Variants in GBP3 observed in about 807,000 individuals in gnomAD.
The protein encoded by GBP3 is guanylate binding protein 3, also known as guanylate-binding protein 3.
In GBP3, 55 loss-of-function variants were observed where a neutral mutation model predicts 62.4. The observed-to-expected ratio is 0.88, with a 90% CI of 0.71 to 1.10. The LOEUF (loss-of-function observed/expected upper bound fraction) is 1.10, where lower values mean the gene tolerates loss of function less well. GBP3 is among the 50% of genes least tolerant of loss of function. The pLI is 0.00. For synonymous variants in GBP3, 208 were observed against 259.2 expected (o/e 0.80, Z 1.90); for missense variants, 605 against 690.6 (o/e 0.88, Z 1.39).
rs764034218 is a variant in GBP3, at chr1:89,007,748, A to G, written c.1764T>C (p.Tyr588=). The part of the protein sequence containing the change: ...QKTLKKKTKR[Y]MSHKLKI ...TTTAGATCTTTAGCTTATGCGACAT[A>G]TATCTCTTGGTTTTTTTTTTCAGGG... Residue 588 remains tyrosine, a synonymous_variant, in exon 11 of 11, where the codon TAT becomes TAC. Coordinates refer to ENST00000370481, the MANE Select transcript of GBP3 (RefSeq NM_018284.3). The G allele has an allele frequency of 2.5e-6, 4 of 1,612,720 alleles. No individual in the cohort carries two copies. Among genetic ancestry groups the G allele is most frequent in the South Asian group, 1.1e-5 (1 of 90,836 alleles).
At chr1:89,018,873 A>G (rs1391909523) in intron 2 of GBP3, among the ~76,000 whole-genome samples, 1 of 152,184 alleles carries the variant, frequency 6.6e-6, no homozygotes, top group Admixed American at 6.5e-5. Context: ...TCTTGTGTGT[A>G]TCTATTATTT....
chr1:89,019,202 T>G (rs908061476), intron 2 of GBP3, among the ~76,000 whole-genome samples: 16 of 152,216 alleles, frequency 1.1e-4, no homozygotes, highest in African/African-American at 3.9e-4. Context: ...AGCCAAAAGG[T>G]GTAAGCAACC....
chr1:89,012,094 G>T, intron 6 of GBP3, 67 bp from the exon 7 acceptor site: 1 of 1,328,780 alleles, frequency 7.5e-7, no homozygotes, highest in South Asian at 1.3e-5. Context: ...GTGTAATTCT[G>T]AACATGTCAA....
At chr1:89,020,379 T>G (rs775676639) in intron 2 of GBP3, 153 bp downstream of exon 2, 4 of 812,524 alleles carry the variant, frequency 4.9e-6, no homozygotes, top group Non-Finnish European at 8.2e-6. Context: ...AGCTGATGCT[T>G]ATCCCCTAGA....
rs1461149267 is a variant in GBP3 at position 89,011,561 on chromosome 1, G to A, written c.1149+186C>T. Among the ~76,000 whole-genome samples the A allele has an allele frequency of 3.6e-5, 5 of 139,488 alleles. 1 individual carries two copies. The highest frequency in any genetic ancestry group is 6.6e-5 in the Non-Finnish European group (4 of 60,468). 91.5% of individuals were successfully genotyped at this position (139,488 alleles called of 152,430 possible). A position where few individuals can be genotyped will look rare whatever the true frequency, so the allele number is the denominator to read the frequency against. Reference sequence around the variant, plus strand: ...GGAAGACCATTTATTGATAAGCAATGTTTTTAAACTTTGAGTCTGAAGTAA... The same window carrying A: ...GGAAGACCATTTATTGATAAGCAATATTTTTAAACTTTGAGTCTGAAGTAA... On this transcript the variant is annotated intron_variant, in intron 7 of 10. Transcript: ENST00000370481.
intron 9 of GBP3, 76 bp from the exon 10 acceptor site, chr1:89,009,216 T>C: frequency 1.3e-6 from 2 of 1,485,176 alleles, no homozygotes; most frequent in Non-Finnish European, 1.9e-6. Context: ...CCCTCCATTG[T>C]TGCTGCTGAC....
chr1:89,009,455 A>T lies in GBP3; in HGVS notation c.1402T>A (p.Ser468Thr). 1 of 1,613,984 alleles carries T rather than the reference A, an allele frequency of 6.2e-7. No homozygotes were observed. Among genetic ancestry groups the T allele is most frequent in the South Asian group, 1.1e-5 (1 of 91,072 alleles). Residue 468 changes from serine to threonine, a missense_variant, in exon 9 of 11, where the codon TCT becomes ACT. Ser to Thr is a moderately conservative substitution (Grantham distance 58, BLOSUM62 1). Coordinates refer to ENST00000370481, the MANE Select transcript of GBP3 (RefSeq NM_018284.3). ...ILQTYLKSKE[S>T]VTDAILQTDQ... Reference sequence around the variant, plus strand: ...GTCTGTAGAATTGCATCGGTCACAGACTCCTTGGATTTCAAGTATGTCTGC... The same window carrying T: ...GTCTGTAGAATTGCATCGGTCACAGTCTCCTTGGATTTCAAGTATGTCTGC...
At position 89,013,274 on chromosome 1, in the gene GBP3, A is replaced by C. The variant is rs746965247; in HGVS notation, c.779T>G (p.Phe260Cys). The C allele has an allele frequency of 1.9e-6, 3 of 1,614,178 alleles. No homozygotes were observed. The South Asian group carries it at 3.3e-5, about 18-fold the overall frequency. ...ACAGAAGTCTGCTACTTGTTGCACA[A>C]ATTCAGGGTCCAGCTCTTCATCTTG... ...KLQDEELDPE[F>C]VQQVADFCSY... The change falls in exon 6 of 11, where the codon TTT (phenylalanine) becomes TGT (cysteine). Residue 260 changes from phenylalanine to cysteine, a missense_variant. By Grantham distance (205) the Phe-to-Cys change is radical. Coordinates refer to ENST00000370481, the MANE Select transcript of GBP3 (RefSeq NM_018284.3).
At position 89,013,305 on chromosome 1, in the gene GBP3, T is replaced by C. The variant is rs765848735; in HGVS notation, c.748A>G (p.Lys250Glu). The C allele has an allele frequency of 3.7e-6, 6 of 1,614,116 alleles. No homozygotes were observed. In the African/African-American group the frequency reaches 8.0e-5, roughly 22 times the overall value. ...IHRRKLAQLE[K>E]LQDEELDPEF... ...GGGTCCAGCTCTTCATCTTGTAGTT[T>C]CTCAAGCTGGGCAAGCTTCCTGCGG... Residue 250 changes from lysine (K) to glutamate (E), a missense_variant, in exon 6 of 11, where the codon AAA becomes GAA. Transcript: ENST00000370481.
rs3188433 is a variant in GBP3, at chr1:89,011,856, G to T, written c.1040C>A (p.Thr347Asn). Residue 347 changes from threonine (T) to asparagine (N), a missense_variant, in exon 7 of 11, where the codon ACC (threonine) becomes AAC (asparagine). Physicochemically the swap from Thr to Asn is moderately conservative, Grantham distance 65. Around this residue, in one of 3 missense-constraint regions of GBP3, gnomAD observed 137 missense variants for 224.7 expected, o/e 0.61. Coordinates refer to ENST00000370481, the MANE Select transcript of GBP3 (RefSeq NM_018284.3). ...GTGCAGGTCCAGCAGCTCCTGGAGG[G>T]TTTCTGCGGGCAGCTGCACCTTCTG... ...MGQKVQLPAE[T>N]LQELLDLHRV... 2 of 1,462,040 alleles carry T rather than the reference G, an allele frequency of 1.4e-6. No homozygotes were observed. Among genetic ancestry groups the T allele is most frequent in the East Asian group, 2.3e-5 (1 of 43,224 alleles). 90.6% of individuals were successfully genotyped at this position (1,462,040 alleles called of 1,614,324 possible).
rs199996250 is a variant in GBP3, at chr1:89,013,344, C to G, written c.709G>C (p.Asp237His). The change falls in exon 6 of 11, where the codon GAT (aspartate) becomes CAT (histidine). Residue 237 changes from aspartate (D) to histidine (H), a missense_variant. By Grantham distance (81) the Asp-to-His change is moderately conservative (BLOSUM62 -1). Transcript: ENST00000370481. ...AGCTTCCTGCGGTGAATGGGCAGATCGAAGACAAAACATTTTTTCTTTGGG... is the reference window on the plus strand; with the variant it reads ...AGCTTCCTGCGGTGAATGGGCAGATGGAAGACAAAACATTTTTTCTTTGGG... Reference protein sequence around the residue: ...FFPKKKCFVFDLPIHRRKLAQ... With the variant: ...FFPKKKCFVFHLPIHRRKLAQ... The G allele has an allele frequency of 1.9e-6, 3 of 1,614,110 alleles. No homozygotes were observed. The highest frequency in any genetic ancestry group is 1.3e-5 in the African/African-American group (1 of 75,020).
rs111928995 is a variant in GBP3 at position 89,007,849 on chromosome 1, G to C, written c.1663C>G (p.Gln555Glu). The C allele has an allele frequency of 2.3e-3, 3,652 of 1,610,472 alleles. 65 individuals carry two copies. The African/African-American group carries it at 0.039, about 17-fold the overall frequency. The change falls in exon 11 of 11, where the codon CAG (glutamine) becomes GAG (glutamate). Residue 555 changes from glutamine to glutamate, a missense_variant. By Grantham distance (29) the Gln-to-Glu change is conservative. Transcript: ENST00000370481. Reference protein sequence around the residue: ...EKTLTSKLQEQARVLKERCQG... With the variant: ...EKTLTSKLQEEARVLKERCQG... Reference sequence around the variant, plus strand: ...CATCTCTCCTTTAGTACTCGGGCCTGTTCCTAAAAAGGGACAAATGGAGGC... The same window carrying C: ...CATCTCTCCTTTAGTACTCGGGCCTCTTCCTAAAAAGGGACAAATGGAGGC...
Position 89,010,837 on chromosome 1 carries a change from G to C in GBP3, c.1362+67C>G, listed in dbSNP as rs577140711. 7.5e-5 allele frequency: 109 copies of C among 1,455,756 alleles called. 30 individuals are homozygous for C. The highest frequency in any genetic ancestry group is 7.2e-4 in the Middle Eastern group (4 of 5,562). The allele number at this position is 1,455,756 out of a possible 1,614,324, so 90.2% of individuals were successfully genotyped here. On this transcript the variant is annotated intron_variant, in intron 8 of 10. Coordinates refer to ENST00000370481, the MANE Select transcript of GBP3 (RefSeq NM_018284.3). ...AGCACATCTGTGTGCAGTGAAGCTT[G>C]GTCACTTTGGTGTTCGTAGGAGGTA...
At chr1:89,008,666 A>G (rs1157824543) in intron 10 of GBP3, among the ~76,000 whole-genome samples, 1 of 151,982 alleles carries the variant, frequency 6.6e-6, no homozygotes, top group Admixed American at 6.6e-5. Context: ...GTATTAAGCA[A>G]GAGATATAGA....
At chr1:89,013,752 T>C (rs752633396) in intron 5 of GBP3, 83 of 402,538 alleles carry the variant, frequency 2.1e-4, no homozygotes, top group Non-Finnish European at 3.3e-4. Context: ...ATTTTACAGG[T>C]AAATACAGAA....
chr1:89,020,964 T>A (rs1679156800), intron 1 of GBP3, among the ~76,000 whole-genome samples: 1 of 152,200 alleles, frequency 6.6e-6, no homozygotes, highest in South Asian at 2.1e-4. Context: ...AACCTAGAAC[T>A]TTCATTTAAT....
chr1:89,017,869 A>G (rs1246730830), intron 2 of GBP3, among the ~76,000 whole-genome samples: 1 of 152,198 alleles, frequency 6.6e-6, no homozygotes, highest in Non-Finnish European at 1.5e-5. Context: ...ACCTGAGGTC[A>G]GGAGTTTGAG....
intron 10 of GBP3, 126 bp from the exon 11 acceptor site, chr1:89,007,978 A>G: frequency 1.2e-6 from 1 of 825,456 alleles, no homozygotes; most frequent in Non-Finnish European, 1.8e-6. Flanking sequence ...TCTACCCTTG[A>G]TTTTAATTAT....
chr1:89,013,587 G>C (rs1025185444), intron 5 of GBP3, 160 bp from the exon 6 acceptor site: 2 of 718,320 alleles, frequency 2.8e-6, no homozygotes, highest in East Asian at 5.4e-5. Context: ...TAAATGAATG[G>C]GCATAGCATT....
Sources: gnomAD v4.1 joint callset for allele counts (sites outside exome capture counted in the v4.1 genomes callset) on GRCh38, gnomAD v4.1.1 for gene constraint, gnomAD v4.1.1 regional missense constraint, MANE v1.5 for transcripts, NCBI Gene and HGNC (gene_info 2026-07-23, HGNC 2026-07-21) for gene names.